Variants in CNTNAP2 observed in about 807,000 individuals in gnomAD.
The protein encoded by CNTNAP2 is contactin-associated protein-like 2.
CNTNAP2 carries 98 observed loss-of-function variants against 155.2 expected under a neutral mutation model. The observed-to-expected ratio is 0.63, with a 90% confidence interval of 0.54 to 0.75. The LOEUF is 0.75. Among genes scored for constraint, CNTNAP2 ranks in the 30% least tolerant of loss-of-function variants. The pLI, the probability that CNTNAP2 is intolerant of heterozygous loss-of-function variation, is 0.00. For synonymous variants in CNTNAP2, 651 were observed against 631.2 expected, an observed-to-expected ratio of 1.03 and a Z score of -0.47; for missense variants, 1,727 against 1,688.1, an observed-to-expected ratio of 1.02 and a Z score of -0.40.
rs71175651 is a variant in CNTNAP2 at position 146,486,046 on chromosome 7, C to CTTT, written c.98-288191_98-288189dup. On this transcript the variant is annotated intron_variant, in intron 1 of 23. Transcript: ENST00000361727. ...AAAAATGTACCCAACCCACAGCAGT[C>CTTT]TTTTTTTTTTTTTTTTTTTTTTTTT... Among the ~76,000 whole-genome samples, 8 of 42,572 alleles carry CTTT rather than the reference C, an allele frequency of 1.9e-4. 4 individuals carry two copies. Among genetic ancestry groups the CTTT allele is most frequent in the African/African-American group, 5.1e-4 (6 of 11,868 alleles). The allele number at this position is 42,572 out of a possible 152,430, so 27.9% of individuals were successfully genotyped here.
At chr7:148,275,644 G>A (rs754665675) in intron 21 of CNTNAP2, among the ~76,000 whole-genome samples, 2 of 152,224 alleles carry the variant, frequency 1.3e-5, no homozygotes, top group South Asian at 2.1e-4. Context: ...GGCTGCCCAG[G>A]AGCTCTTTGG....
intron 15 of CNTNAP2, among the ~76,000 whole-genome samples, chr7:148,008,149 G>A (rs981757800): frequency 4.0e-5 from 6 of 151,726 alleles, no homozygotes; most frequent in Non-Finnish European, 5.9e-5. Context: ...AGATCACGAG[G>A]TCAGGAGTTC....
intron 1 of CNTNAP2, among the ~76,000 whole-genome samples, chr7:146,768,788 A>G (rs977936208): frequency 6.6e-5 from 10 of 152,134 alleles, no homozygotes; most frequent in Admixed American, 4.6e-4. Context: ...ATGTTACCAA[A>G]TGGGTCATAT....
chr7:146,284,785 A>G (rs529083469), intron 1 of CNTNAP2, among the ~76,000 whole-genome samples: 20 of 152,326 alleles, frequency 1.3e-4, no homozygotes, highest in Middle Eastern at 3.4e-3. Context: ...TCAGTTTATC[A>G]CTGAACAGGG....
At chr7:147,467,152 T>G (rs1209559761) in intron 10 of CNTNAP2, among the ~76,000 whole-genome samples, 1 of 152,150 alleles carries the variant, frequency 6.6e-6, no homozygotes, top group African/African-American at 2.4e-5. Context: ...CAATGATGCT[T>G]ATCTAAGGGG....
At chr7:146,520,855 T>A (rs928490239) in intron 1 of CNTNAP2, among the ~76,000 whole-genome samples, 2 of 151,928 alleles carry the variant, frequency 1.3e-5, no homozygotes, top group African/African-American at 4.8e-5. Flanking sequence ...CCTACATTAA[T>A]GTAAAAAGTA....
chr7:146,529,547 T>C (rs1171237944), intron 1 of CNTNAP2, among the ~76,000 whole-genome samples: 11 of 152,188 alleles, frequency 7.2e-5, no homozygotes, highest in Non-Finnish European at 1.3e-4. Context: ...TAAGTAAATG[T>C]GACTAATGCA....
chr7:146,645,730 TAAGTCAGATCTGTG>T (rs1799800460), intron 1 of CNTNAP2, among the ~76,000 whole-genome samples: 1 of 152,074 alleles, frequency 6.6e-6, no homozygotes, highest in African/African-American at 2.4e-5. Context: ...TATATGTTCT[TAAGTCAGATCTGTG>T]GAGTCAGGTC....
At chr7:147,582,586 TC>T (rs1436696678) in intron 12 of CNTNAP2, among the ~76,000 whole-genome samples, 1 of 152,130 alleles carries the variant, frequency 6.6e-6, no homozygotes, top group African/African-American at 2.4e-5. Flanking sequence ...ATAAATCAAT[TC>T]CCTCCAGATA....
intron 14 of CNTNAP2, among the ~76,000 whole-genome samples, chr7:147,928,717 T>C (rs74820911): frequency 3.3e-5 from 5 of 152,196 alleles, no homozygotes; most frequent in Non-Finnish European, 7.4e-5. Flanking sequence ...TACCTGACTA[T>C]GTAGTGGGTT....
intron 14 of CNTNAP2, among the ~76,000 whole-genome samples, chr7:147,968,570 A>G (rs1210067935): frequency 6.6e-6 from 1 of 152,126 alleles, no homozygotes; most frequent in Non-Finnish European, 1.5e-5. Flanking sequence ...CCTGCCGCTT[A>G]TTTGCCTTTC....
At chr7:147,087,925 C>T (rs760529979) in intron 4 of CNTNAP2, among the ~76,000 whole-genome samples, 18 of 151,988 alleles carry the variant, frequency 1.2e-4, no homozygotes, top group Non-Finnish European at 2.2e-4. Context: ...TGCAGTAGGC[C>T]GAGATTGTGC....
At chr7:146,918,109 A>T (rs936509668) in intron 3 of CNTNAP2, among the ~76,000 whole-genome samples, 7 of 152,182 alleles carry the variant, frequency 4.6e-5, no homozygotes, top group African/African-American at 1.4e-4. Context: ...GACAGCAGCT[A>T]CTTGGTTGGT....
chr7:148,171,709 C>A (rs1472671729), intron 17 of CNTNAP2, among the ~76,000 whole-genome samples: 1 of 152,172 alleles, frequency 6.6e-6, no homozygotes, highest in East Asian at 1.9e-4. Context: ...TCCAGCTACC[C>A]CAGACAAGGA....
chr7:146,541,413 T>A (rs12537051), intron 1 of CNTNAP2, among the ~76,000 whole-genome samples: 30,141 of 151,924 alleles, frequency 0.2, 3,771 homozygotes, highest in East Asian at 0.46. Context: ...GACAAAGATC[T>A]TTGGAGAAGC....
intron 21 of CNTNAP2, among the ~76,000 whole-genome samples, chr7:148,284,098 T>A (rs571890125): frequency 1.6e-4 from 25 of 152,346 alleles, no homozygotes; most frequent in Admixed American, 1.6e-3. Context: ...TACATTATGT[T>A]TTTATATTAT....
At chr7:146,626,616 A>C (rs578045076) in intron 1 of CNTNAP2, among the ~76,000 whole-genome samples, 11 of 152,184 alleles carry the variant, frequency 7.2e-5, no homozygotes, top group Non-Finnish European at 1.5e-4. Flanking sequence ...TGGAAACTCA[A>C]TGTATCCAAT....
intron 3 of CNTNAP2, among the ~76,000 whole-genome samples, chr7:146,958,020 C>T (rs888113320): frequency 2.6e-5 from 4 of 152,064 alleles, no homozygotes; most frequent in African/African-American, 7.2e-5. Flanking sequence ...CAGAATATAG[C>T]GTACAATTTC....
At chr7:147,719,573 G>A (rs1796532355) in intron 13 of CNTNAP2, among the ~76,000 whole-genome samples, 1 of 151,946 alleles carries the variant, frequency 6.6e-6, no homozygotes, top group Admixed American at 6.6e-5. Context: ...AAATTAAAAT[G>A]TTTTACACTG....
Sources: gnomAD v4.1 joint callset for allele counts (sites outside exome capture counted in the v4.1 genomes callset) on GRCh38, gnomAD v4.1.1 for gene constraint, MANE v1.5 for transcripts, NCBI Gene and HGNC (gene_info 2026-07-23, HGNC 2026-07-21) for gene names.